DLGAP1: variants seen among roughly 807,000 people sequenced by gnomAD.
DLGAP1 encodes the protein disks large-associated protein 1.
DLGAP1 carries 11 observed loss-of-function variants against 90.8 expected under a neutral mutation model. That is an observed-to-expected ratio of 0.12 (90% CI 0.08 to 0.20). DLGAP1 has a LOEUF of 0.20. DLGAP1 is among the 10% of genes least tolerant of loss of function. The pLI is 1.00. For synonymous variants in DLGAP1, 558 were observed against 540.7 expected, an observed-to-expected ratio of 1.03 and a Z score of -0.44; for missense variants, 1,050 against 1,333.8, an observed-to-expected ratio of 0.79 and a Z score of 3.31.
At chr18:3,664,202 ACACACACACACACACC>A (rs1291374128) in intron 7 of DLGAP1, among the ~76,000 whole-genome samples, 79 of 139,136 alleles carry the variant, frequency 5.7e-4, no homozygotes, top group African/African-American at 2.1e-3. Context: ...ACACACACAC[ACACACACACACACACC>A]CACACACACA....
intron 11 of DLGAP1, among the ~76,000 whole-genome samples, chr18:3,507,375 G>C (rs1234444289): frequency 2.4e-5 from 3 of 125,784 alleles, no homozygotes; most frequent in Admixed American, 1.6e-4. Context: ...AAATTAGCTG[G>C]GCATGGTGGC....
chr18:4,313,908 A>G (rs949726928), intron 1 of DLGAP1, among the ~76,000 whole-genome samples: 4 of 152,202 alleles, frequency 2.6e-5, no homozygotes, highest in Non-Finnish European at 4.4e-5. Context: ...ACTCTTAGCT[A>G]AAGTGCAGCC....
At chr18:3,906,146 G>T (rs1379825164) in intron 3 of DLGAP1, among the ~76,000 whole-genome samples, 2 of 152,158 alleles carry the variant, frequency 1.3e-5, no homozygotes, top group African/African-American at 4.8e-5. Context: ...TGAAATTGAT[G>T]TAAACTTAGT....
intron 2 of DLGAP1, among the ~76,000 whole-genome samples, chr18:4,121,823 G>C (rs1164588582): frequency 1.3e-5 from 2 of 152,136 alleles, no homozygotes; most frequent in Non-Finnish European, 2.9e-5. Flanking sequence ...TTCTTTAACA[G>C]TAGGAATATA....
intron 7 of DLGAP1, among the ~76,000 whole-genome samples, chr18:3,680,478 CT>C (rs2060471676): frequency 6.6e-6 from 1 of 152,136 alleles, no homozygotes; most frequent in Non-Finnish European, 1.5e-5. Flanking sequence ...TTCTTTAACC[CT>C]CAATGCTTAG....
chr18:4,244,929 T>G (rs118166659), intron 1 of DLGAP1, among the ~76,000 whole-genome samples: 2,848 of 152,316 alleles, frequency 0.019, 35 homozygotes, highest in Non-Finnish European at 0.027. Context: ...CAAGTGTCTA[T>G]TAGTACATTT....
intron 3 of DLGAP1, among the ~76,000 whole-genome samples, chr18:3,925,358 A>G (rs954122783): frequency 4.0e-5 from 6 of 150,550 alleles, no homozygotes; most frequent in African/African-American, 9.8e-5. Flanking sequence ...ATTTTGCATT[A>G]CCCTCTACCA....
intron 1 of DLGAP1, among the ~76,000 whole-genome samples, chr18:4,440,966 T>C (rs2083523085): frequency 6.6e-6 from 1 of 152,242 alleles, no homozygotes; most frequent in African/African-American, 2.4e-5. Flanking sequence ...TTAAATAGAC[T>C]GAAGGTTTTA....
At chr18:4,104,237 TTC>T (rs1166058157) in intron 2 of DLGAP1, among the ~76,000 whole-genome samples, 2 of 152,168 alleles carry the variant, frequency 1.3e-5, no homozygotes, top group Non-Finnish European at 2.9e-5. Flanking sequence ...CCTTATCTTC[TTC>T]TGTGATTATT....
chr18:4,441,438 A>T (rs2083532821), intron 1 of DLGAP1, among the ~76,000 whole-genome samples: 1 of 152,210 alleles, frequency 6.6e-6, no homozygotes, highest in African/African-American at 2.4e-5. Context: ...TTAAGATGTC[A>T]TCAAAATAGC....
At chr18:3,833,203 T>G (rs1446629522) in intron 4 of DLGAP1, among the ~76,000 whole-genome samples, 7 of 67,732 alleles carry the variant, frequency 1.0e-4, no homozygotes, top group Non-Finnish European at 2.3e-4. Flanking sequence ...CCTTCCTTCC[T>G]TCCTTCCTTC....
rs10532577 is a variant in DLGAP1 at position 3,772,332 on chromosome 18, TTCTCTCTCTCTC to T, written c.1173-29832_1173-29821del. Among the ~76,000 whole-genome samples the T allele has an allele frequency of 3.3e-4, 31 of 94,038 alleles. 1 individual carries two copies. Among genetic ancestry groups the T allele is most frequent in the African/African-American group, 1.3e-3 (25 of 19,136 alleles). The allele number at this position is 94,038 out of a possible 152,430, so 61.7% of individuals were successfully genotyped here. ...CTCCTTCCTTCCTTCCTTTCTCTCCTTCTCTCTCTCTCTCTCTTTCTTTCTTTCTTTCTTTCT... is the reference window on the plus strand; with the variant it reads ...CTCCTTCCTTCCTTCCTTTCTCTCCTTCTCTTTCTTTCTTTCTTTCTTTCT... On this transcript the variant is annotated intron_variant, in intron 5 of 12. Coordinates refer to ENST00000315677, the MANE Select transcript of DLGAP1 (RefSeq NM_004746.4).
intron 3 of DLGAP1, among the ~76,000 whole-genome samples, chr18:3,931,419 AG>A (rs1483360093): frequency 6.6e-6 from 1 of 152,134 alleles, no homozygotes; most frequent in African/African-American, 2.4e-5. Flanking sequence ...GCAGAAGGGC[AG>A]GGGGTGGAAA....
chr18:3,611,272 C>G (rs2057611108), intron 7 of DLGAP1, among the ~76,000 whole-genome samples: 1 of 152,166 alleles, frequency 6.6e-6, no homozygotes, highest in African/African-American at 2.4e-5. Context: ...CAGCCTCACA[C>G]CCTCCCATCC....
chr18:4,157,786 T>C lies in DLGAP1; in HGVS notation c.-266-6499A>G, dbSNP rs149877587. Among the ~76,000 whole-genome samples the C allele has an allele frequency of 4.4e-4, 67 of 152,278 alleles. No homozygotes were observed. In the East Asian group the frequency reaches 0.011, roughly 26 times the overall value. On this transcript the variant is annotated intron_variant, in intron 1 of 12. Coordinates refer to ENST00000315677, the MANE Select transcript of DLGAP1 (RefSeq NM_004746.4). ...CATGGGAGTCTGGTGAGTTTCAACA[T>C]GAGAGCACGAGTAAGTGTGCTATGT... is the stretch of plus-strand genomic sequence containing the variant.
intron 1 of DLGAP1, among the ~76,000 whole-genome samples, chr18:4,433,450 C>G (rs2083333778): frequency 6.6e-6 from 1 of 152,136 alleles, no homozygotes; most frequent in African/African-American, 2.4e-5. Context: ...TTAGCTCTAC[C>G]AGGAATTTTT....
At chr18:3,708,010 CT>C (rs71368706) in intron 7 of DLGAP1, among the ~76,000 whole-genome samples, 233 of 145,710 alleles carry the variant, frequency 1.6e-3, no homozygotes, top group African/African-American at 2.2e-3. Context: ...TTTGTAATTC[CT>C]TTTTTTTTTT....
chr18:3,840,882 G>A (rs1057134476), intron 4 of DLGAP1, among the ~76,000 whole-genome samples: 2 of 152,130 alleles, frequency 1.3e-5, no homozygotes, highest in Non-Finnish European at 2.9e-5. Context: ...ACTCATTCAC[G>A]GAACACCCTG....
chr18:3,522,008 T>C (rs8083633), intron 10 of DLGAP1, among the ~76,000 whole-genome samples: 23,074 of 152,154 alleles, frequency 0.15, 1,977 homozygotes, highest in Non-Finnish European at 0.19. Flanking sequence ...GCAATAGTTG[T>C]AGTGACTAGC....
Sources: allele counts gnomAD v4.1 joint callset (sites outside exome capture counted in the v4.1 genomes callset), GRCh38; gene constraint gnomAD v4.1.1; transcripts MANE v1.5; gene names NCBI Gene and HGNC (gene_info 2026-07-23, HGNC 2026-07-21).